AKAP19: variants seen among roughly 807,000 people sequenced by gnomAD.
The protein encoded by AKAP19 is A-kinase anchoring protein 19.
At chr2:190,198,631 CAAAAAAAAAA>C in the AKAP19 span, among the ~76,000 whole-genome samples, 2,106 of 70,744 alleles carry the variant, frequency 0.03, 91 homozygotes, top group African/African-American at 0.1. Context: ...GACCCTGTCT[CAAAAAAAAAA>C]AAAAAAAAAA....
At chr2:189,991,662 T>C in the AKAP19 span, among the ~76,000 whole-genome samples, 2 of 152,250 alleles carry the variant, frequency 1.3e-5, no homozygotes. Flanking sequence ...TTTACTCTGC[T>C]GATTATTTCT....
At chr2:190,173,287 G>A in the AKAP19 span, among the ~76,000 whole-genome samples, 63,200 of 151,890 alleles carry the variant, frequency 0.42, 15,418 homozygotes, top group East Asian at 0.81. Context: ...TAAAATATTC[G>A]TACATAGATA....
chr2:190,097,625 T>G, the AKAP19 span, among the ~76,000 whole-genome samples: 15 of 152,100 alleles, frequency 9.9e-5, no homozygotes, highest in Admixed American at 5.9e-4. Flanking sequence ...TCAATTAAGT[T>G]TACGGAATGT....
chr2:189,936,605 T>G, the AKAP19 span, among the ~76,000 whole-genome samples: 8 of 152,204 alleles, frequency 5.3e-5, no homozygotes, highest in African/African-American at 1.9e-4. Context: ...GTAGGATATT[T>G]CCTACATTAT....
chr2:189,884,575 CA>C, the AKAP19 span, among the ~76,000 whole-genome samples: 1 of 152,120 alleles, frequency 6.6e-6, no homozygotes, highest in African/African-American at 2.4e-5. Flanking sequence ...TTTAAATTGT[CA>C]AAGACTTTAT....
At chr2:189,957,228 G>T in the AKAP19 span, among the ~76,000 whole-genome samples, 4 of 152,142 alleles carry the variant, frequency 2.6e-5, no homozygotes, top group African/African-American at 9.7e-5. Context: ...AGGTTCAGAT[G>T]TTATAGAAAG....
At chr2:190,166,812 G>A in the AKAP19 span, among the ~76,000 whole-genome samples, 1 of 151,758 alleles carries the variant, frequency 6.6e-6, no homozygotes, top group Non-Finnish European at 1.5e-5. Flanking sequence ...AGTAAAACAT[G>A]GAAATAGTCC....
chr2:189,938,351 A>C, the AKAP19 span, among the ~76,000 whole-genome samples: 1 of 151,906 alleles, frequency 6.6e-6, no homozygotes, highest in East Asian at 1.9e-4. Context: ...AAAAAAAAAA[A>C]AGAAAGAAAA....
the AKAP19 span, among the ~76,000 whole-genome samples, chr2:189,985,120 C>T: frequency 6.6e-6 from 1 of 152,206 alleles, no homozygotes; most frequent in Non-Finnish European, 1.5e-5. Flanking sequence ...GCAGTCCAAT[C>T]CACCCTTTCT....
At chr2:190,049,054 A>G in the AKAP19 span, among the ~76,000 whole-genome samples, 2 of 152,166 alleles carry the variant, frequency 1.3e-5, no homozygotes, top group Admixed American at 1.3e-4. Context: ...TAAAGACTAA[A>G]GTATGTGACA....
the AKAP19 span, among the ~76,000 whole-genome samples, chr2:190,111,205 C>A: frequency 6.6e-6 from 1 of 152,110 alleles, no homozygotes; most frequent in Non-Finnish European, 1.5e-5. Context: ...TAGGATCTAC[C>A]AGGTGCCCCA....
chr2:190,004,683 G>T, the AKAP19 span, among the ~76,000 whole-genome samples: 1 of 151,720 alleles, frequency 6.6e-6, no homozygotes, highest in African/African-American at 2.4e-5. Flanking sequence ...GAGTTTCACG[G>T]AACCTTGCCC....
chr2:190,139,252 A>C, the AKAP19 span, among the ~76,000 whole-genome samples: 1 of 152,198 alleles, frequency 6.6e-6, no homozygotes, highest in East Asian at 1.9e-4. Flanking sequence ...AAGTTACAGT[A>C]GAAGGATAAG....
At chr2:190,023,909 G>A in the AKAP19 span, among the ~76,000 whole-genome samples, 1 of 151,460 alleles carries the variant, frequency 6.6e-6, no homozygotes, top group East Asian at 1.9e-4. Flanking sequence ...GAATTGCAAT[G>A]ACGTCTTTTA....
chr2:189,990,310 C>T, the AKAP19 span, among the ~76,000 whole-genome samples: 1 of 152,126 alleles, frequency 6.6e-6, no homozygotes, highest in Admixed American at 6.5e-5. Context: ...TATTTCTGAT[C>T]AATCCTTTGC....
chr2:189,994,204 G>C, the AKAP19 span, among the ~76,000 whole-genome samples: 1 of 151,892 alleles, frequency 6.6e-6, no homozygotes, highest in Admixed American at 6.6e-5. Context: ...TAGAGACAGG[G>C]TTTCACTATG....
At chr2:190,131,681 A>G in the AKAP19 span, among the ~76,000 whole-genome samples, 1 of 152,246 alleles carries the variant, frequency 6.6e-6, no homozygotes, top group Non-Finnish European at 1.5e-5. Flanking sequence ...TGCAGTCGGC[A>G]TCTGAAGTTG....
chr2:190,084,019 T>G, the AKAP19 span, among the ~76,000 whole-genome samples: 1 of 151,548 alleles, frequency 6.6e-6, no homozygotes. Context: ...TACATTAGAG[T>G]CAAATGGTTA....
the AKAP19 span, among the ~76,000 whole-genome samples, chr2:190,072,421 A>T: frequency 6.6e-6 from 1 of 152,040 alleles, no homozygotes; most frequent in East Asian, 1.9e-4. Context: ...AAGTTGAAAT[A>T]AAAAAAATAA....
Sources: allele counts gnomAD v4.1 joint callset (sites outside exome capture counted in the v4.1 genomes callset), GRCh38; gene constraint gnomAD v4.1.1; transcripts MANE v1.5; gene names NCBI Gene and HGNC (gene_info 2026-07-23, HGNC 2026-07-21).